SHANK2: variants seen among roughly 807,000 people sequenced by gnomAD.
SHANK2 encodes the protein SH3 and multiple ankyrin repeat domains 2.
In SHANK2, 43 loss-of-function variants were observed where a neutral mutation model predicts 133.7. The observed-to-expected ratio is 0.32, with a 90% CI of 0.25 to 0.41. The LOEUF is 0.41. SHANK2 is among the 10% of genes least tolerant of loss of function. The pLI, the probability that SHANK2 is intolerant of heterozygous loss-of-function variation, is 1.00. For synonymous variants in SHANK2, 1,017 were observed against 952.8 expected (o/e 1.07, Z -1.24); for missense variants, 1,994 against 2,235.8 (o/e 0.89, Z 2.18).
Position 70,882,878 on chromosome 11 carries a change from A to G in SHANK2, c.1174+13623T>C, listed in dbSNP as rs529766746. 2.0e-5 allele frequency among the ~76,000 whole-genome samples: 3 copies of G among 152,268 alleles called. No individual in the cohort carries two copies. Among genetic ancestry groups the G allele is most frequent in the Admixed American group, 2.0e-4 (3 of 15,290 alleles). On this transcript the variant is annotated intron_variant, in intron 11 of 25. Coordinates refer to ENST00000601538, the MANE Select transcript of SHANK2 (RefSeq NM_012309.5). The surrounding 1 kb of genome is among the most constrained non-coding windows in gnomAD (Gnocchi z 4.2). ...GCAGGAGTGAGGGGAGGTCCTGAGGAAACAGCTGCAGGTGAACAGCAAACT... is the reference window on the plus strand; with the variant it reads ...GCAGGAGTGAGGGGAGGTCCTGAGGGAACAGCTGCAGGTGAACAGCAAACT...
chr11:70,820,427 G>GATGGGGACCGGCT lies in SHANK2; in HGVS notation c.1417_1429dup (p.Ser477Ter). 1 of 708,458 alleles carries GATGGGGACCGGCT rather than the reference G, an allele frequency of 1.4e-6. No individual in the cohort carries two copies. The highest frequency in any genetic ancestry group is 2.6e-6 in the Non-Finnish European group (1 of 378,498). The allele number at this position is 708,458 out of a possible 1,614,324, so 43.9% of individuals were successfully genotyped here. ...GCCTGCGCCGCCCAGCCTGTTGAGC[G>GATGGGGACCGGCT]ATGGGGACCGGCTGCGGGGCCCGGG... is the stretch of plus-strand genomic sequence containing the variant. On this transcript the variant is annotated stop_gained and frameshift_variant, in exon 12 of 26. Coordinates refer to ENST00000601538, the MANE Select transcript of SHANK2 (RefSeq NM_012309.5). LOFTEE classifies it high-confidence loss of function.
Position 71,177,673 on chromosome 11 carries a change from A to AT in SHANK2, c.-12-30336dup, listed in dbSNP as rs1425449897. The stretch of plus-strand genomic sequence containing the variant: ...ACAGATTTAAATCAAACCATTATCA[A>AT]TTTTTCCATTAAATGTGACCCAACT... On this transcript the variant is annotated intron_variant, in intron 2 of 25. Transcript: ENST00000601538. 2.6e-5 allele frequency among the ~76,000 whole-genome samples: 4 copies of AT among 152,326 alleles called. No individual in the cohort carries two copies. The South Asian group carries it at 6.2e-4, about 24-fold the overall frequency.
chr11:71,061,688 GCA>G (rs1476043653), intron 9 of SHANK2, among the ~76,000 whole-genome samples: 1 of 152,148 alleles, frequency 6.6e-6, no homozygotes, highest in Middle Eastern at 3.2e-3. Context: ...CAAGTCCCAG[GCA>G]CATGGGCCCA....
chr11:70,876,955 T>C (rs782434217), intron 11 of SHANK2, among the ~76,000 whole-genome samples: 5 of 152,164 alleles, frequency 3.3e-5, no homozygotes, highest in African/African-American at 4.8e-5. Context: ...CACCTGGACC[T>C]TGGAGAATTC....
Position 70,486,649 on chromosome 11 carries a change from G to A in SHANK2, c.3644C>T (p.Pro1215Leu), listed in dbSNP as rs140087936. The change falls in exon 25 of 26, where the codon CCG (proline) becomes CTG (leucine). Residue 1215 changes from proline to leucine, a missense_variant. Pro to Leu is a moderately conservative substitution (Grantham distance 98, BLOSUM62 -3). Coordinates refer to ENST00000601538, the MANE Select transcript of SHANK2 (RefSeq NM_012309.5). The surrounding 1 kb of genome is among the most constrained non-coding windows in gnomAD (Gnocchi z 8.0). ...LTGRLLDPSS[P>L]LALALSARDR... ...CCTTGCGGAGAGTGCCAGGGCCAGC[G>A]GGGAGCTGGGATCAAGCAGCCGCCC... The A allele has an allele frequency of 1.3e-5, 21 of 1,612,260 alleles. No individual in the cohort carries two copies. Among genetic ancestry groups the A allele is most frequent in the Non-Finnish European group, 1.3e-5 (15 of 1,180,010 alleles).
chr11:70,838,573 AG>A (rs1417867716), intron 11 of SHANK2, among the ~76,000 whole-genome samples: 14 of 152,058 alleles, frequency 9.2e-5, no homozygotes, highest in Admixed American at 9.2e-4. Context: ...CCTGACTCCT[AG>A]GGCCCCTCTG....
Position 70,469,807 on chromosome 11 carries a change from C to G in SHANK2, c.*3062G>C, listed in dbSNP as rs1173793890. On this transcript the variant is annotated 3_prime_UTR_variant, in exon 26 of 26. Transcript: ENST00000601538. ...TCACTTTGTGATATGTAAAGTTCAGCAAATCAACAGTCACATTGAGTAATT... is the reference window on the plus strand; with the variant it reads ...TCACTTTGTGATATGTAAAGTTCAGGAAATCAACAGTCACATTGAGTAATT... 1 of 152,564 alleles carries G rather than the reference C, an allele frequency of 6.6e-6. No homozygotes were observed. Among genetic ancestry groups the G allele is most frequent in the Non-Finnish European group, 1.5e-5 (1 of 68,036 alleles). 9.5% of individuals were successfully genotyped at this position (152,564 alleles called of 1,614,324 possible).
At chr11:70,494,340 TCTCA>T (rs2058938943) in intron 21 of SHANK2, among the ~76,000 whole-genome samples, 1 of 152,124 alleles carries the variant, frequency 6.6e-6, no homozygotes, top group Admixed American at 6.5e-5. Flanking sequence ...TAAGATGGAC[TCTCA>T]CTGTCACCTG....
intron 11 of SHANK2, chr11:70,863,808 A>T (rs1243299219): frequency 1.1e-5 from 5 of 457,674 alleles, no homozygotes; most frequent in African/African-American, 1.0e-4. Flanking sequence ...TTGTAAGAAG[A>T]GGAAACCTGG....
intron 10 of SHANK2, among the ~76,000 whole-genome samples, chr11:70,914,668 T>A (rs375463761): frequency 9.3e-6 from 1 of 107,294 alleles, no homozygotes; most frequent in Non-Finnish European, 1.8e-5. Flanking sequence ...ACAAAAAAAA[T>A]AAATAAAATA....
Position 70,486,779 on chromosome 11 carries a change from G to C in SHANK2, c.3514C>G (p.Pro1172Ala), listed in dbSNP as rs782282174. ...TGGGCTTTGGACGTGGAATTCAGCG[G>C]CCTCCCAGCCTCACCCGGAGCACTG... ...EASAPGEAGR[P>A]LNSTSKAQGP... Residue 1172 changes from proline to alanine, a missense_variant, in exon 25 of 26, where the codon CCG becomes GCG. Around this residue, in one of 5 missense-constraint regions of SHANK2, gnomAD observed 797 missense variants for 907.4 expected, o/e 0.88. Transcript: ENST00000601538. The surrounding 1 kb of genome is among the most constrained non-coding windows in gnomAD (Gnocchi z 8.0). The C allele has an allele frequency of 6.2e-7, 1 of 1,611,636 alleles. No individual in the cohort carries two copies. The highest frequency in any genetic ancestry group is 1.3e-5 in the African/African-American group (1 of 75,022).
At chr11:71,249,644 C>A (rs1561665) in intron 1 of SHANK2, among the ~76,000 whole-genome samples, 10,600 of 152,266 alleles carry the variant, frequency 0.07, 422 homozygotes, top group Middle Eastern at 0.13. Flanking sequence ...TGCAGCAACT[C>A]CCAAGCTGAG....
intron 17 of SHANK2, among the ~76,000 whole-genome samples, chr11:70,618,515 C>A (rs931788169): frequency 2.0e-5 from 3 of 152,218 alleles, no homozygotes; most frequent in East Asian, 3.9e-4. Context: ...TGGCCCCTGG[C>A]TCTGCCCACA....
chr11:70,744,982 G>A (rs945995542), intron 14 of SHANK2, among the ~76,000 whole-genome samples: 3 of 152,222 alleles, frequency 2.0e-5, no homozygotes, highest in African/African-American at 7.2e-5. Flanking sequence ...CAAGAGGACA[G>A]ACACCACGGG....
At chr11:70,674,092 G>C (rs1944864183) in intron 15 of SHANK2, among the ~76,000 whole-genome samples, 1 of 152,146 alleles carries the variant, frequency 6.6e-6, no homozygotes, top group Non-Finnish European at 1.5e-5. Flanking sequence ...GTTAAACAGA[G>C]TCTGGCACTT....
chr11:70,673,127 G>A (rs1944845691), intron 15 of SHANK2, among the ~76,000 whole-genome samples: 2 of 152,152 alleles, frequency 1.3e-5, no homozygotes, highest in South Asian at 4.1e-4. Flanking sequence ...GGGGCTGTCA[G>A]TTTTAAAACC....
At chr11:71,241,138 C>A (rs1954884013) in intron 1 of SHANK2, among the ~76,000 whole-genome samples, 1 of 152,184 alleles carries the variant, frequency 6.6e-6, no homozygotes. Flanking sequence ...CCGGGCTAGG[C>A]AACTTCTCCT....
intron 17 of SHANK2, among the ~76,000 whole-genome samples, chr11:70,618,112 A>C (rs185431200): frequency 2.6e-4 from 39 of 152,222 alleles, no homozygotes; most frequent in Non-Finnish European, 5.1e-4. Flanking sequence ...GCCTGGCAAC[A>C]TGGTGAAACC....
intron 17 of SHANK2, among the ~76,000 whole-genome samples, chr11:70,528,579 A>AG (rs1240792677): frequency 2.0e-5 from 3 of 151,982 alleles, no homozygotes; most frequent in African/African-American, 7.2e-5. Context: ...CTCCATGGGG[A>AG]GGGGGGCTCC....
Sources: gnomAD v4.1 joint callset for allele counts (sites outside exome capture counted in the v4.1 genomes callset) on GRCh38, gnomAD v4.1.1 for gene constraint, gnomAD v4.1.1 regional missense constraint, Gnocchi (gnomAD v3.1) non-coding constraint, MANE v1.5 for transcripts, NCBI Gene and HGNC (gene_info 2026-07-23, HGNC 2026-07-21) for gene names.